Variants in ZNF862 observed in about 807,000 individuals in gnomAD.
ZNF862 encodes zinc finger protein 862.
In ZNF862, 64 loss-of-function variants were observed where a neutral mutation model predicts 91.1. The ratio of observed to expected loss-of-function variants is 0.70; its 90% confidence interval spans 0.57 to 0.87. The LOEUF (loss-of-function observed/expected upper bound fraction) is 0.87. Ranked by LOEUF, ZNF862 falls within the 40% of genes least tolerant of loss-of-function variation. ZNF862 has a pLI of 0.00. For synonymous variants in ZNF862, 631 were observed against 618.1 expected (o/e 1.02, Z -0.31); for missense variants, 1,459 against 1,528.0 (o/e 0.95, Z 0.75).
Position 149,854,298 on chromosome 7 carries a change from C to CA in ZNF862, c.1117+3968dup, listed in dbSNP as rs202141538. ...CAAAACTCTTCAAAAGTGTCCCGAT[C>CA]AAAAAAAAGACAGAGAAAGGCTGGC... On this transcript the variant is annotated intron_variant, in intron 5 of 7. Coordinates refer to ENST00000223210, the MANE Select transcript of ZNF862 (RefSeq NM_001099220.3). Among the ~76,000 whole-genome samples the CA allele has an allele frequency of 4.8e-3, 720 of 151,456 alleles. 4 individuals carry two copies. The highest frequency in any genetic ancestry group is 0.016 in the African/African-American group (679 of 41,274).
Position 149,850,442 on chromosome 7 carries a change from G to A in ZNF862, c.1117+104G>A. ...ATCTTCCCATTCCTGCCCCCTCCCT[G>A]TGTGTAGGCAGAGACCGATCCTGTC... is the stretch of plus-strand genomic sequence containing the variant. On this transcript the variant is annotated intron_variant, in intron 5 of 7. Transcript: ENST00000223210. The surrounding 1 kb of genome is among the most constrained non-coding windows in gnomAD (Gnocchi z 4.2). 3.2e-6 allele frequency: 4 copies of A among 1,248,020 alleles called. No homozygotes were observed. The highest frequency in any genetic ancestry group is 4.4e-6 in the Non-Finnish European group (4 of 907,848). The allele number at this position is 1,248,020 out of a possible 1,614,324, so 77.3% of individuals were successfully genotyped here.
chr7:149,842,875 CT>C (rs1258411400), intron 1 of ZNF862, among the ~76,000 whole-genome samples: 1 of 152,174 alleles, frequency 6.6e-6, no homozygotes, highest in East Asian at 1.9e-4. Context: ...TGACCACTTT[CT>C]TTGAGTGGAG....
rs949669596 is a variant in ZNF862 at position 149,865,079 on chromosome 7, T to C, written c.*795T>C. On this transcript the variant is annotated 3_prime_UTR_variant, in exon 8 of 8. Transcript: ENST00000223210. ...AGCTCTGCTGCAGGCAGTGGTCTGATTAATCCCTTCCTCTTTGTGCCTCAG... is the reference window on the plus strand; with the variant it reads ...AGCTCTGCTGCAGGCAGTGGTCTGACTAATCCCTTCCTCTTTGTGCCTCAG... 4 of 152,254 alleles carry C rather than the reference T, an allele frequency of 2.6e-5. No homozygotes were observed. Among genetic ancestry groups the C allele is most frequent in the African/African-American group, 9.7e-5 (4 of 41,420 alleles). The allele number at this position is 152,254 out of a possible 1,614,324, so 9.4% of individuals were successfully genotyped here.
intron 1 of ZNF862, chr7:149,841,132 G>C: frequency 1.0e-6 from 1 of 985,426 alleles, no homozygotes; most frequent in African/African-American, 1.7e-5. Context: ...AAAACCAACT[G>C]TCAGTGTAAG....
intron 1 of ZNF862, among the ~76,000 whole-genome samples, chr7:149,843,918 C>T (rs762450681): frequency 2.0e-5 from 3 of 152,188 alleles, no homozygotes; most frequent in Non-Finnish European, 4.4e-5. Context: ...TTTCTTGGAT[C>T]TGCTGAAGTG....
At chr7:149,841,768 C>T (rs1280132236) in intron 1 of ZNF862, 1 of 984,608 alleles carries the variant, frequency 1.0e-6, no homozygotes, top group East Asian at 1.1e-4. Context: ...CTTTCCTGTA[C>T]AAGTGACTGA....
chr7:149,849,934 C>T (rs1485430412), intron 4 of ZNF862, among the ~76,000 whole-genome samples: 2 of 152,200 alleles, frequency 1.3e-5, no homozygotes, highest in Non-Finnish European at 2.9e-5. Flanking sequence ...TTCATTTCCG[C>T]CCAGGAGATC....
intron 5 of ZNF862, chr7:149,852,145 A>C (rs1802085134): frequency 6.6e-6 from 1 of 152,104 alleles, no homozygotes; most frequent in Non-Finnish European, 1.5e-5. Flanking sequence ...AATAGTATTA[A>C]ATTGGGATAT....
Position 149,848,439 on chromosome 7 carries a change from C to T in ZNF862, c.939+7C>T, listed in dbSNP as rs893091500. 27 of 1,498,292 alleles carry T rather than the reference C, an allele frequency of 1.8e-5. No homozygotes were observed. The highest frequency in any genetic ancestry group is 4.4e-5 in the Admixed American group (2 of 45,432). 92.8% of individuals were successfully genotyped at this position (1,498,292 alleles called of 1,614,324 possible). A position where few individuals can be genotyped will look rare whatever the true frequency, so the allele number is the denominator to read the frequency against. The stretch of plus-strand genomic sequence containing the variant: ...AGTAGAATCCTGCATTCAGGTAATA[C>T]GTTTATAATGATTGCTGTATCTTAC... On this transcript the variant is annotated splice_region_variant and intron_variant, in intron 4 of 7. Coordinates refer to ENST00000223210, the MANE Select transcript of ZNF862 (RefSeq NM_001099220.3).
At position 149,838,497 on chromosome 7, in the gene ZNF862, C is replaced by A; in HGVS notation, c.-115C>A. ...GAAGTTCTTGGGCCGCGCTCCCTCC[C>A]TACCTGGGTGCCCTCCCCCTCCGGG... On this transcript the variant is annotated 5_prime_UTR_variant, in exon 1 of 8. Transcript: ENST00000223210. 1.5e-6 allele frequency: 1 copy of A among 682,776 alleles called. No individual in the cohort carries two copies. The highest frequency in any genetic ancestry group is 7.7e-5 in the South Asian group (1 of 12,952). 42.3% of individuals were successfully genotyped at this position (682,776 alleles called of 1,614,324 possible).
rs748964451 is a variant in ZNF862, at chr7:149,864,116, G to T, written c.3342G>T (p.Arg1114Ser). The T allele has an allele frequency of 1.3e-6, 2 of 1,580,074 alleles. No individual in the cohort carries two copies. Among genetic ancestry groups the T allele is most frequent in the South Asian group, 2.3e-5 (2 of 85,994 alleles). Residue 1114 changes from arginine to serine, a missense_variant, in exon 8 of 8, where the codon AGG (arginine) becomes AGT (serine). Coordinates refer to ENST00000223210, the MANE Select transcript of ZNF862 (RefSeq NM_001099220.3). ...QVPARSPASA[R>S]LRKEEMGALY... Reference sequence around the variant, plus strand: ...CTCCTTCCTCCCTCACAGGCGCCAGGCTCAGGAAGGAGGAGATGGGAGCCC... The same window carrying T: ...CTCCTTCCTCCCTCACAGGCGCCAGTCTCAGGAAGGAGGAGATGGGAGCCC...
chr7:149,843,575 C>T lies in ZNF862; in HGVS notation c.25-1050C>T, dbSNP rs200881857. Among the ~76,000 whole-genome samples, 17 of 152,294 alleles carry T rather than the reference C, an allele frequency of 1.1e-4. No individual in the cohort carries two copies. The East Asian group carries it at 3.1e-3, about 28-fold the overall frequency. On this transcript the variant is annotated intron_variant, in intron 1 of 7. Transcript: ENST00000223210. The stretch of plus-strand genomic sequence containing the variant: ...CAACCTGCCCCCCAAACCCCAACAC[C>T]TCCCATCTATTTTGGTCTCTATAGT...
chr7:149,860,948 C>G lies in ZNF862; in HGVS notation c.1788C>G (p.Arg596=), dbSNP rs573555166. ...GTVILGKYRN[R]TACTQFIKYI... Reference sequence around the variant, plus strand: ...TGATATTAGGCAAGTACCGCAATCGCACGGCGTGCACTCAGTTCATCAAGT... The same window carrying G: ...TGATATTAGGCAAGTACCGCAATCGGACGGCGTGCACTCAGTTCATCAAGT... The change falls in exon 7 of 8, where the codon CGC becomes CGG. Residue 596 remains arginine (R), a synonymous_variant. Transcript: ENST00000223210. 1.2e-6 allele frequency: 2 copies of G among 1,613,736 alleles called. No homozygotes were observed. The highest frequency in any genetic ancestry group is 2.7e-5 in the African/African-American group (2 of 75,050).
In ZNF862 at chr7:149,860,443, C is replaced by A; in HGVS notation, c.1283C>A (p.Ala428Glu). 1 of 1,613,924 alleles carries A rather than the reference C, an allele frequency of 6.2e-7. No homozygotes were observed. The highest frequency in any genetic ancestry group is 8.5e-7 in the Non-Finnish European group (1 of 1,179,850). The change falls in exon 7 of 8, where the codon GCG becomes GAG. Residue 428 changes from alanine to glutamate, a missense_variant. Coordinates refer to ENST00000223210, the MANE Select transcript of ZNF862 (RefSeq NM_001099220.3). ...ACACAGGCCTCGGCTGCAGACTCCGCGTTGCTTCCAGGCTCTCCCGTGGAG... is the reference window on the plus strand; with the variant it reads ...ACACAGGCCTCGGCTGCAGACTCCGAGTTGCTTCCAGGCTCTCCCGTGGAG... ...ADTQASAADS[A>E]LLPGSPVEAR...
At chr7:149,863,972 G>C (rs920584976) in intron 7 of ZNF862, 137 bp from the exon 8 acceptor site, 10 of 824,364 alleles carry the variant, frequency 1.2e-5, no homozygotes, top group East Asian at 2.7e-5. Context: ...ACAGATGAGG[G>C]CTGCAAAGAG....
chr7:149,848,278 G>A lies in ZNF862; in HGVS notation c.785G>A (p.Arg262Lys). ...DSMAELLPSS[R>K]AELEDPGGDG... is the part of the protein sequence containing the mutation. ...ATGGCTGAGCTCCTGCCAAGTTCAA[G>A]AGCTGAACTAGAGGACCCTGGGGGG... Residue 262 changes from arginine (R) to lysine (K), a missense_variant, in exon 4 of 8, where the codon AGA becomes AAA. By Grantham distance (26) the Arg-to-Lys change is conservative. Transcript: ENST00000223210. 6.2e-7 allele frequency: 1 copy of A among 1,611,626 alleles called. No individual in the cohort carries two copies. Among genetic ancestry groups the A allele is most frequent in the East Asian group, 2.2e-5 (1 of 44,850 alleles).
At chr7:149,845,582 G>C (rs1158435798) in intron 2 of ZNF862, among the ~76,000 whole-genome samples, 1 of 152,178 alleles carries the variant, frequency 6.6e-6, no homozygotes, top group East Asian at 1.9e-4. Context: ...ATGGCTCACT[G>C]CTTGGAGTTT....
At chr7:149,852,920 C>T (rs763232401) in intron 5 of ZNF862, among the ~76,000 whole-genome samples, 3 of 152,132 alleles carry the variant, frequency 2.0e-5, no homozygotes, top group Non-Finnish European at 2.9e-5. Context: ...TGGGGGAAGG[C>T]GTTGTGTCAC....
chr7:149,857,383 A>AT lies in ZNF862; in HGVS notation c.1118-2031dup, dbSNP rs538058791. ...CTCCATTTTATTTTCTAACAATGCT[A>AT]TTTTTTTTATTCTATTGGGTTTTTT... On this transcript the variant is annotated intron_variant, in intron 5 of 7. Coordinates refer to ENST00000223210, the MANE Select transcript of ZNF862 (RefSeq NM_001099220.3). Among the ~76,000 whole-genome samples, 429 of 151,342 alleles carry AT rather than the reference A, an allele frequency of 2.8e-3. 3 individuals are homozygous for AT. The highest frequency in any genetic ancestry group is 9.7e-3 in the African/African-American group (401 of 41,252).
Sources: gnomAD v4.1 joint callset for allele counts (sites outside exome capture counted in the v4.1 genomes callset) on GRCh38, gnomAD v4.1.1 for gene constraint, Gnocchi (gnomAD v3.1) non-coding constraint, MANE v1.5 for transcripts, NCBI Gene and HGNC (gene_info 2026-07-23, HGNC 2026-07-21) for gene names.